The following NDUFA13 variants were observed in gnomAD, a reference collection of about 807,000 sequenced individuals.
NDUFA13 encodes NADH:ubiquinone oxidoreductase subunit A13, also known as NADH dehydrogenase [ubiquinone] 1 alpha subcomplex subunit 13.
NDUFA13 carries 16 observed loss-of-function variants against 17.0 expected under a neutral mutation model. The observed-to-expected ratio is 0.94, with a 90% CI of 0.64 to 1.43. NDUFA13 has a LOEUF of 1.43. Ranked by LOEUF, NDUFA13 falls within the 40% of genes most tolerant of loss-of-function variation. The probability of loss-of-function intolerance (pLI) is 0.00; values close to 1 mark genes in which losing one functional copy is unlikely to be tolerated. For synonymous variants in NDUFA13, 87 were observed against 78.4 expected (o/e 1.11, Z -0.58); for missense variants, 228 against 206.7 (o/e 1.10, Z -0.63).
rs781566949 is a variant in NDUFA13 at position 19,516,246 on chromosome 19, C to T, written c.8C>T (p.Ala3Val). 2 of 1,613,942 alleles carry T rather than the reference C, an allele frequency of 1.2e-6. No homozygotes were observed. Among genetic ancestry groups the T allele is most frequent in the Admixed American group, 1.7e-5 (1 of 60,004 alleles). MA[A>V]SKVKQDMPPP... ...GTGTGGGATACTGCGAGTATGGCGG[C>T]GTCAAAGGTGAAGCAGGACATGCCT... is the stretch of plus-strand genomic sequence containing the variant. Residue 3 changes from alanine (A) to valine (V), a missense_variant, in exon 1 of 5, where the codon GCG becomes GTG. By Grantham distance (64) the Ala-to-Val change is moderately conservative. Transcript: ENST00000507754.
At chr19:19,527,407 CAGGGCCTGACCTGCATCCCCGA>C in intron 3 of NDUFA13, 55 bp downstream of exon 3, 1 of 1,592,322 alleles carries the variant, frequency 6.3e-7, no homozygotes, top group South Asian at 1.1e-5. Flanking sequence ...CCCCAGGCTG[CAGGGCCTGACCTGCATCCCCGA>C]AGGTGGCCAG....
At chr19:19,520,932 G>A (rs1486668036) in intron 1 of NDUFA13, among the ~76,000 whole-genome samples, 1 of 152,158 alleles carries the variant, frequency 6.6e-6, no homozygotes, top group Non-Finnish European at 1.5e-5. Context: ...GGGCACTTGG[G>A]TCATCCACCT....
chr19:19,519,720 GAGA>G (rs1267616113), intron 1 of NDUFA13, among the ~76,000 whole-genome samples: 6 of 152,144 alleles, frequency 3.9e-5, no homozygotes, highest in Non-Finnish European at 8.8e-5. Context: ...GAGGACCTCT[GAGA>G]AGAAGCCTGC....
chr19:19,522,574 G>C (rs1343663296), intron 1 of NDUFA13, among the ~76,000 whole-genome samples: 1 of 142,438 alleles, frequency 7.0e-6, no homozygotes, highest in Non-Finnish European at 1.5e-5. Context: ...CGCCTCCCGG[G>C]TTCACGCCAT....
intron 3 of NDUFA13, 57 bp downstream of exon 3, chr19:19,527,409 G>A (rs75525243): frequency 0.16 from 254,667 of 1,592,822 alleles, 21,312 homozygotes; most frequent in Middle Eastern, 0.24. Flanking sequence ...CCAGGCTGCA[G>A]GGCCTGACCT....
At chr19:19,526,862 AGAAAG>A (rs950830782) in intron 2 of NDUFA13, 21 of 296,038 alleles carry the variant, frequency 7.1e-5, no homozygotes, top group South Asian at 3.2e-4. Context: ...AGCAGGGAGA[AGAAAG>A]GAAAGATTGT....
intron 2 of NDUFA13, 73 bp from the exon 3 acceptor site, chr19:19,527,208 C>T (rs2061104864): frequency 6.5e-7 from 1 of 1,541,030 alleles, no homozygotes; most frequent in Non-Finnish European, 9.0e-7. Flanking sequence ...ACCCTGGCCC[C>T]TGAGGTCTGT....
At chr19:19,523,361 G>A (rs1452852596) in intron 1 of NDUFA13, among the ~76,000 whole-genome samples, 2 of 152,212 alleles carry the variant, frequency 1.3e-5, no homozygotes, top group Admixed American at 1.3e-4. Flanking sequence ...AGGCTGAGGT[G>A]GGAGGATTGC....
rs749033463 is a variant in NDUFA13, at chr19:19,526,084, C to T, written c.95-98C>T. On this transcript the variant is annotated intron_variant, in intron 1 of 4. Transcript: ENST00000507754. ...CCAAGCAGCCTCACTCCTGAGAAGCCGCCAGTGTCCCCTGATTGCAGAGTG... is the reference window on the plus strand; with the variant it reads ...CCAAGCAGCCTCACTCCTGAGAAGCTGCCAGTGTCCCCTGATTGCAGAGTG... The T allele has an allele frequency of 1.1e-4, 175 of 1,554,108 alleles. 1 individual carries two copies. The highest frequency in any genetic ancestry group is 1.8e-4 in the Middle Eastern group (1 of 5,698).
intron 2 of NDUFA13, chr19:19,526,677 A>T: frequency 3.0e-6 from 1 of 332,938 alleles, no homozygotes; most frequent in South Asian, 2.5e-5. Flanking sequence ...GACCAGGCTC[A>T]AACCAGACCA....
At chr19:19,527,218 T>C in intron 2 of NDUFA13, 63 bp from the exon 3 acceptor site, 2 of 1,573,210 alleles carry the variant, frequency 1.3e-6, no homozygotes, top group South Asian at 1.1e-5. Flanking sequence ...CTGAGGTCTG[T>C]GCTGCCTGTG....
chr19:19,527,184 C>CT, intron 2 of NDUFA13, 97 bp from the exon 3 acceptor site: 9 of 1,283,870 alleles, frequency 7.0e-6, no homozygotes, highest in Admixed American at 3.6e-5. Context: ...CCCTCCGCCT[C>CT]TTCCCCCAGC....
At chr19:19,521,769 AT>A (rs1340732570) in intron 1 of NDUFA13, among the ~76,000 whole-genome samples, 1 of 150,834 alleles carries the variant, frequency 6.6e-6, no homozygotes. Flanking sequence ...CGCCCGGCTA[AT>A]TTTTTGCATT....
chr19:19,520,981 A>G (rs945362305), intron 1 of NDUFA13, among the ~76,000 whole-genome samples: 11 of 152,238 alleles, frequency 7.2e-5, no homozygotes, highest in Non-Finnish European at 1.3e-4. Context: ...TATGGCTGCC[A>G]TGAAGATTCA....
At chr19:19,527,185 T>G in intron 2 of NDUFA13, 96 bp from the exon 3 acceptor site, 26 of 729,752 alleles carry the variant, frequency 3.6e-5, no homozygotes, top group East Asian at 8.0e-5. Flanking sequence ...CCTCCGCCTC[T>G]TCCCCCAGCA....
intron 1 of NDUFA13, among the ~76,000 whole-genome samples, chr19:19,522,537 G>A (rs1262349833): frequency 7.6e-6 from 1 of 130,880 alleles, no homozygotes; most frequent in Non-Finnish European, 1.6e-5. Flanking sequence ...GGAGTGCAGT[G>A]GCGCGATCTA....
intron 1 of NDUFA13, among the ~76,000 whole-genome samples, chr19:19,517,451 A>G (rs1011601830): frequency 2.6e-5 from 4 of 152,102 alleles, no homozygotes; most frequent in African/African-American, 9.7e-5. Flanking sequence ...GGCTCAAGTG[A>G]TCCACCCACC....
Position 19,523,399 on chromosome 19 carries a change from G to A in NDUFA13, c.95-2783G>A, listed in dbSNP as rs372706699. 3.0e-4 allele frequency among the ~76,000 whole-genome samples: 46 copies of A among 152,308 alleles called. 1 individual carries two copies. The highest frequency in any genetic ancestry group is 1.0e-3 in the African/African-American group (43 of 41,570). ...GAGGCCAGGAGTTCAAGACCAGCCT[G>A]GGCAACATAGCAAGACCCTGTTTCT... is the stretch of plus-strand genomic sequence containing the variant. On this transcript the variant is annotated intron_variant, in intron 1 of 4. Transcript: ENST00000507754.
In NDUFA13 at chr19:19,527,488, G is replaced by T. The variant is rs929665618; in HGVS notation, c.245+136G>T. ...TGTGCCGTCAGCTGCATCCTCAGGCGTGGAGACTTAGTGGAGACCCAAGGG... is the reference window on the plus strand; with the variant it reads ...TGTGCCGTCAGCTGCATCCTCAGGCTTGGAGACTTAGTGGAGACCCAAGGG... On this transcript the variant is annotated intron_variant, in intron 3 of 4. Coordinates refer to ENST00000507754, the MANE Select transcript of NDUFA13 (RefSeq NM_015965.7). 31 of 1,176,434 alleles carry T rather than the reference G, an allele frequency of 2.6e-5. 1 individual carries two copies. In the South Asian group the frequency reaches 3.9e-4, roughly 15 times the overall value. 72.9% of individuals were successfully genotyped at this position (1,176,434 alleles called of 1,614,324 possible).
Sources: allele counts gnomAD v4.1 joint callset (sites outside exome capture counted in the v4.1 genomes callset), GRCh38; gene constraint gnomAD v4.1.1; transcripts MANE v1.5; gene names NCBI Gene and HGNC (gene_info 2026-07-23, HGNC 2026-07-21).